The following NCF2 variants were observed in gnomAD, a reference collection of about 807,000 sequenced individuals.
The protein encoded by NCF2 is neutrophil cytosol factor 2.
A neutral mutation model predicts 70.9 loss-of-function variants in NCF2; 45 were observed. The ratio of observed to expected loss-of-function variants is 0.63; its 90% CI spans 0.50 to 0.81. The LOEUF is 0.81. NCF2 is among the 40% of genes least tolerant of loss of function. The pLI, the probability that NCF2 is intolerant of heterozygous loss-of-function variation, is 0.00. For synonymous variants in NCF2, 203 were observed against 233.6 expected, an observed-to-expected ratio of 0.87 and a Z score of 1.19; for missense variants, 522 against 631.6, an observed-to-expected ratio of 0.83 and a Z score of 1.86.
chr1:183,566,809 A>G (rs1672317881), intron 9 of NCF2, 111 bp downstream of exon 9: 2 of 1,382,912 alleles, frequency 1.4e-6, no homozygotes, highest in Admixed American at 1.8e-5. Flanking sequence ...AAGACTAGTG[A>G]ATCTTTCTCC....
Position 183,590,314 on chromosome 1 carries a change from C to T in NCF2, c.16G>A (p.Ala6Thr). 1.9e-6 allele frequency: 3 copies of T among 1,614,048 alleles called. No homozygotes were observed. The South Asian group carries it at 3.3e-5, about 18-fold the overall frequency. Reference sequence around the variant, plus strand: ...ACCCCTTCATTCCAGAGGCTGATGGCCTCCACCAGGGACATGATTAGGTAG... The same window carrying T: ...ACCCCTTCATTCCAGAGGCTGATGGTCTCCACCAGGGACATGATTAGGTAG... Reference protein sequence around the residue: MSLVEAISLWNEGVLA... With the variant: MSLVETISLWNEGVLA... Residue 6 changes from alanine to threonine, a missense_variant, in exon 1 of 15, where the codon GCC becomes ACC. By Grantham distance (58) the Ala-to-Thr change is moderately conservative. Transcript: ENST00000367535.
intron 1 of NCF2, among the ~76,000 whole-genome samples, chr1:183,588,284 G>T (rs1172747320): frequency 6.6e-6 from 1 of 152,116 alleles, no homozygotes; most frequent in South Asian, 2.1e-4. Context: ...AGATAAAAAA[G>T]ATAGGGAAAT....
intron 6 of NCF2, among the ~76,000 whole-genome samples, chr1:183,570,016 T>C (rs914572856): frequency 2.6e-5 from 4 of 152,214 alleles, no homozygotes; most frequent in Admixed American, 2.6e-4. Context: ...CTGGCTGAAC[T>C]GAAGCTCAAG....
chr1:183,574,389 T>C, intron 4 of NCF2, 98 bp downstream of exon 4: 1 of 1,559,400 alleles, frequency 6.4e-7, no homozygotes, highest in Non-Finnish European at 8.8e-7. Flanking sequence ...TCACAGAAAG[T>C]AAAAGCACCA....
chr1:183,590,140 A>G lies in NCF2; in HGVS notation c.174+16T>C, dbSNP rs750867967. 4 of 1,614,118 alleles carry G rather than the reference A, an allele frequency of 2.5e-6. No homozygotes were observed. In the South Asian group the frequency reaches 4.4e-5, roughly 18 times the overall value. On this transcript the variant is annotated intron_variant, in intron 1 of 14. Transcript: ENST00000367535. ...AAATGCACAGAGGAGGCCCGGAAAG[A>G]GGCACCTCCACTCACCTTCTCTGCT... is the stretch of plus-strand genomic sequence containing the variant.
chr1:183,568,543 T>G (rs1672409332), intron 7 of NCF2, among the ~76,000 whole-genome samples: 1 of 151,874 alleles, frequency 6.6e-6, no homozygotes, highest in African/African-American at 2.4e-5. Context: ...TTAAGAAAGC[T>G]GTAGGTTATG....
intron 6 of NCF2, among the ~76,000 whole-genome samples, chr1:183,570,291 G>A (rs1672485084): frequency 6.6e-6 from 1 of 152,224 alleles, no homozygotes; most frequent in Admixed American, 6.5e-5. Flanking sequence ...AGCTTGGGCA[G>A]AAAAAGGGTT....
rs569068647 is a variant in NCF2 at position 183,570,313 on chromosome 1, C to T, written c.669+467G>A. On this transcript the variant is annotated intron_variant, in intron 6 of 14. Coordinates refer to ENST00000367535, the MANE Select transcript of NCF2 (RefSeq NM_000433.4). ...GCAGAAAAAGGGTTCACTCTCAGTG[C>T]GCTGCCTGTGTTCCCGAAGGAAACC... Among the ~76,000 whole-genome samples, 132 of 152,370 alleles carry T rather than the reference C, an allele frequency of 8.7e-4. 3 individuals are homozygous for T. The South Asian group carries it at 0.025, about 29-fold the overall frequency.
chr1:183,557,881 AT>A (rs796710510), intron 14 of NCF2, among the ~76,000 whole-genome samples: 24 of 146,776 alleles, frequency 1.6e-4, no homozygotes, highest in South Asian at 2.2e-4. Context: ...TACTACTCAT[AT>A]TTTTTTTTTT....
intron 13 of NCF2, among the ~76,000 whole-genome samples, chr1:183,560,476 G>T (rs1474594749): frequency 2.6e-5 from 4 of 152,194 alleles, no homozygotes; most frequent in African/African-American, 7.2e-5. Context: ...TTTGGCACGA[G>T]GGACCAGTTT....
At chr1:183,581,674 GTTT>G (rs71130625) in intron 2 of NCF2, among the ~76,000 whole-genome samples, 1 of 144,484 alleles carries the variant, frequency 6.9e-6, no homozygotes. Flanking sequence ...CTTGCTAAGT[GTTT>G]TTTTTTTTTG....
rs34033715 is a variant in NCF2, at chr1:183,570,916, C to A, written c.610-77G>T. The A allele has an allele frequency of 9.0e-4, 1,283 of 1,429,062 alleles. 5 individuals carry two copies. The African/African-American group carries it at 0.017, about 19-fold the overall frequency. The allele number at this position is 1,429,062 out of a possible 1,614,324, so 88.5% of individuals were successfully genotyped here. A position where few individuals can be genotyped will look rare whatever the true frequency, so the allele number is the denominator to read the frequency against. On this transcript the variant is annotated intron_variant, in intron 5 of 14. Transcript: ENST00000367535. ...TTCTGGGTCTCCCTCTTTGCTCATG[C>A]CCTAGACCTGTTCTTACGTGAGCCT...
intron 3 of NCF2, among the ~76,000 whole-genome samples, chr1:183,577,280 T>G (rs1261911602): frequency 1.3e-5 from 2 of 152,168 alleles, no homozygotes; most frequent in African/African-American, 4.8e-5. Context: ...ACATGCAAAT[T>G]ATCATGAATA....
intron 14 of NCF2, among the ~76,000 whole-genome samples, chr1:183,558,775 G>C (rs1671907899): frequency 6.6e-6 from 1 of 151,666 alleles, no homozygotes; most frequent in Non-Finnish European, 1.5e-5. Context: ...ATGTTGGCCA[G>C]GTTGGTCTTC....
At chr1:183,591,482 T>G (rs1365102447), upstream of NCF2, among the ~76,000 whole-genome samples, 2 of 110,412 alleles carry the variant, frequency 1.8e-5, no homozygotes. Flanking sequence ...CTGAAATAAC[T>G]TTTTTTTTTT....
rs116630740 is a variant in NCF2 at position 183,561,484 on chromosome 1, A to G, written c.1291-1211T>C. On this transcript the variant is annotated intron_variant, in intron 13 of 14. Coordinates refer to ENST00000367535, the MANE Select transcript of NCF2 (RefSeq NM_000433.4). ...GGCTAGAAGAATTCAATGAGATGAC[A>G]TACAATAATAGTAGTTGACATTTAT... Among the ~76,000 whole-genome samples the G allele has an allele frequency of 2.0e-3, 299 of 152,314 alleles. 1 individual carries two copies. The highest frequency in any genetic ancestry group is 6.6e-3 in the African/African-American group (275 of 41,570).
chr1:183,562,477 G>C (rs930851448), intron 13 of NCF2, among the ~76,000 whole-genome samples: 2 of 152,070 alleles, frequency 1.3e-5, no homozygotes, highest in Non-Finnish European at 2.9e-5. Context: ...TGTATTTCCT[G>C]AAGGCAATTT....
the NCF2 span, among the ~76,000 whole-genome samples, chr1:183,597,034 G>A: frequency 2.0e-5 from 3 of 152,112 alleles, no homozygotes; most frequent in South Asian, 2.1e-4. Context: ...CACAGAACTG[G>A]CACCTAACAT....
chr1:183,578,328 A>T (rs1672896864), intron 2 of NCF2, among the ~76,000 whole-genome samples: 1 of 151,136 alleles, frequency 6.6e-6, no homozygotes, highest in Non-Finnish European at 1.5e-5. Context: ...AAAAAAAACA[A>T]CCACTTATGC....
Sources: gnomAD v4.1 joint callset for allele counts (sites outside exome capture counted in the v4.1 genomes callset) on GRCh38, gnomAD v4.1.1 for gene constraint, MANE v1.5 for transcripts, NCBI Gene and HGNC (gene_info 2026-07-23, HGNC 2026-07-21) for gene names.